CMIP: variants seen among roughly 807,000 people sequenced by gnomAD.
CMIP encodes the protein C-Maf-inducing protein.
CMIP carries 13 observed loss-of-function variants against 97.3 expected under a neutral mutation model. The ratio of observed to expected loss-of-function variants is 0.13; its 90% confidence interval spans 0.09 to 0.21. The LOEUF is 0.21. Ranked by LOEUF, CMIP falls within the 10% of genes least tolerant of loss-of-function variation. The pLI is 1.00. For missense variants in CMIP, 847 were observed against 1,024.9 expected (o/e 0.83, Z 2.37); for synonymous variants, 538 against 436.3 (o/e 1.23, Z -2.91).
At chr16:81,608,786 C>G (rs562911969) in intron 2 of CMIP, among the ~76,000 whole-genome samples, 1 of 152,300 alleles carries the variant, frequency 6.6e-6, no homozygotes, top group East Asian at 1.9e-4. Flanking sequence ...AGTCTGAAAC[C>G]CCTCATCTAG....
intron 10 of CMIP, among the ~76,000 whole-genome samples, chr16:81,682,180 G>A (rs980823926): frequency 1.3e-5 from 2 of 152,040 alleles, no homozygotes; most frequent in African/African-American, 4.8e-5. Context: ...CTCCAAGCTG[G>A]GTGACAGAGC....
chr16:81,692,401 G>T (rs1393754360), intron 11 of CMIP, among the ~76,000 whole-genome samples: 1 of 152,214 alleles, frequency 6.6e-6, no homozygotes, highest in African/African-American at 2.4e-5. Flanking sequence ...CTGGAAACTA[G>T]AGAGAACGCT....
At chr16:81,572,734 C>G (rs996316166) in intron 1 of CMIP, among the ~76,000 whole-genome samples, 1 of 152,146 alleles carries the variant, frequency 6.6e-6, no homozygotes, top group African/African-American at 2.4e-5. Context: ...GCCCACAGTC[C>G]CAGAGTCAGT....
chr16:81,635,831 G>C (rs1359289447), intron 3 of CMIP, among the ~76,000 whole-genome samples: 1 of 152,096 alleles, frequency 6.6e-6, no homozygotes, highest in Admixed American at 6.6e-5. Flanking sequence ...CATTAAGCTG[G>C]TGACAACAGA....
At chr16:81,505,265 G>A (rs114289194) in intron 1 of CMIP, among the ~76,000 whole-genome samples, 73 of 152,304 alleles carry the variant, frequency 4.8e-4, no homozygotes, top group African/African-American at 1.7e-3. Context: ...TATAGGGGTG[G>A]GTGAAGAGGG....
intron 1 of CMIP, among the ~76,000 whole-genome samples, chr16:81,591,321 G>A (rs572858579): frequency 3.9e-5 from 6 of 152,286 alleles, no homozygotes; most frequent in South Asian, 2.1e-4. Context: ...CACCAGCTAA[G>A]GTGCCAGATA....
intron 3 of CMIP, among the ~76,000 whole-genome samples, chr16:81,638,610 TC>T (rs1348407999): frequency 6.6e-6 from 1 of 151,888 alleles, no homozygotes; most frequent in Non-Finnish European, 1.5e-5. Context: ...CTCCCCCCTC[TC>T]CCTTCTCCTT....
chr16:81,645,640 G>T, intron 3 of CMIP: 6 of 1,531,366 alleles, frequency 3.9e-6, no homozygotes, highest in Non-Finnish European at 5.3e-6. Flanking sequence ...TGAGGACAGC[G>T]CTGGAGTGGC....
intron 1 of CMIP, among the ~76,000 whole-genome samples, chr16:81,498,424 C>T (rs2089532814): frequency 6.6e-6 from 1 of 152,194 alleles, no homozygotes; most frequent in Admixed American, 6.5e-5. Context: ...TGGGTCCTCA[C>T]CTCTGCACCG....
intron 1 of CMIP, among the ~76,000 whole-genome samples, chr16:81,594,582 C>T (rs1247375133): frequency 6.6e-6 from 1 of 151,962 alleles, no homozygotes; most frequent in African/African-American, 2.4e-5. Flanking sequence ...GTGTTTTTTC[C>T]TAAACATATA....
chr16:81,457,513 A>T (rs111837797), intron 1 of CMIP, among the ~76,000 whole-genome samples: 7 of 152,174 alleles, frequency 4.6e-5, no homozygotes, highest in Non-Finnish European at 8.8e-5. Flanking sequence ...CTTTTATTCT[A>T]GGTTGGCCTC....
intron 3 of CMIP, chr16:81,632,056 A>T (rs1339073086): frequency 3.3e-5 from 5 of 152,204 alleles, no homozygotes; most frequent in African/African-American, 1.2e-4. Context: ...TCAAGCTATT[A>T]CCTACATGTG....
intron 2 of CMIP, among the ~76,000 whole-genome samples, chr16:81,610,102 T>C (rs1464120127): frequency 6.6e-6 from 1 of 152,136 alleles, no homozygotes; most frequent in East Asian, 1.9e-4. Context: ...CAAAGGGGCC[T>C]CATTCCTTCT....
Position 81,453,304 on chromosome 16 carries a change from G to C in CMIP, c.300+7763G>C, listed in dbSNP as rs142312963. Among the ~76,000 whole-genome samples the C allele has an allele frequency of 3.3e-5, 5 of 152,348 alleles. No homozygotes were observed. The highest frequency in any genetic ancestry group is 5.9e-5 in the Non-Finnish European group (4 of 68,028). Reference sequence around the variant, plus strand: ...TGGAGGGAAGCACGTGGTCTGGATCGTCTGGTCCCTGGTGGATATAGGATT... The same window carrying C: ...TGGAGGGAAGCACGTGGTCTGGATCCTCTGGTCCCTGGTGGATATAGGATT... On this transcript the variant is annotated intron_variant, in intron 1 of 20. Transcript: ENST00000537098. The surrounding 1 kb of genome is among the most constrained non-coding windows in gnomAD (Gnocchi z 4.0).
chr16:81,651,395 G>A (rs1047311067), intron 3 of CMIP: 46 of 979,316 alleles, frequency 4.7e-5, no homozygotes, highest in African/African-American at 3.9e-4. Context: ...TGTCCCAACC[G>A]CTCTCTGGCT....
At chr16:81,670,052 G>T in intron 7 of CMIP, 90 bp from the exon 8 acceptor site, 3 of 1,245,600 alleles carry the variant, frequency 2.4e-6, no homozygotes, top group East Asian at 2.6e-5. Flanking sequence ...GGCAGAGCTC[G>T]GTCCCGCCCT....
Position 81,678,468 on chromosome 16 carries a change from A to G in CMIP, c.1228A>G (p.Ser410Gly), listed in dbSNP as rs1904500468. 1.3e-6 allele frequency: 2 copies of G among 1,592,044 alleles called. No homozygotes were observed. The highest frequency in any genetic ancestry group is 4.6e-5 in the East Asian group (2 of 43,390). The change falls in exon 10 of 21, where the codon AGC becomes GGC. Residue 410 changes from serine to glycine, a missense_variant. Transcript: ENST00000537098. The stretch of plus-strand genomic sequence containing the variant: ...GATCCACGTGGAGGTGGAACGCACC[A>G]GCACTGCCAAGCCGGCGCTGACGGC... ...SEIHVEVERT[S>G]TAKPALTASA...
Position 81,539,246 on chromosome 16 carries a change from T to G in CMIP, c.301-68321T>G, listed in dbSNP as rs1021804410. Among the ~76,000 whole-genome samples the G allele has an allele frequency of 5.9e-5, 9 of 152,238 alleles. No individual in the cohort carries two copies. In the South Asian group the frequency reaches 1.7e-3, roughly 28 times the overall value. ...CATCTCAATTGCACAGAAAAACATT[T>G]TGGGAATGTTTCCATCAGCCCGGCA... On this transcript the variant is annotated intron_variant, in intron 1 of 20. Transcript: ENST00000537098.
chr16:81,591,431 C>T (rs1360445063), intron 1 of CMIP, among the ~76,000 whole-genome samples: 3 of 152,156 alleles, frequency 2.0e-5, no homozygotes, highest in African/African-American at 7.2e-5. Flanking sequence ...TTGTGAGAAC[C>T]CAGAGGCAGA....
Sources: gnomAD v4.1 joint callset for allele counts (sites outside exome capture counted in the v4.1 genomes callset) on GRCh38, gnomAD v4.1.1 for gene constraint, Gnocchi (gnomAD v3.1) non-coding constraint, MANE v1.5 for transcripts, NCBI Gene and HGNC (gene_info 2026-07-23, HGNC 2026-07-21) for gene names.